Variants in AQP9 observed in about 807,000 individuals in gnomAD.
AQP9 encodes the protein aquaporin 9.
Under a neutral mutation model 23.8 loss-of-function variants are expected in AQP9, and 19 were observed. The observed-to-expected ratio is 0.80, with a 90% confidence interval of 0.56 to 1.17. AQP9 has a LOEUF of 1.17. Ranked by LOEUF, AQP9 falls within the 50% of genes most tolerant of loss-of-function variation. The pLI, the probability that AQP9 is intolerant of heterozygous loss-of-function variation, is 0.00. For synonymous variants in AQP9, 153 were observed against 131.5 expected, an observed-to-expected ratio of 1.16 and a Z score of -1.12; for missense variants, 413 against 362.0, an observed-to-expected ratio of 1.14 and a Z score of -1.14.
intron 1 of AQP9, among the ~76,000 whole-genome samples, chr15:58,163,149 TTAA>T (rs1305448288): frequency 6.6e-6 from 1 of 152,156 alleles, no homozygotes; most frequent in Non-Finnish European, 1.5e-5. Context: ...GAATAAAAGA[TTAA>T]TGAGGAACTT....
In AQP9 at chr15:58,173,053, A is replaced by G. The variant is rs202028546; in HGVS notation, c.239-15A>G. On this transcript the variant is annotated splice_polypyrimidine_tract_variant and intron_variant, in intron 2 of 5. Transcript: ENST00000219919. ...TCCTAACCTGCCCTCTCACTTCTCC[A>G]ATCTTCCCTTGCAGGTGGTCACATC... is the stretch of plus-strand genomic sequence containing the variant. 6.2e-7 allele frequency: 1 copy of G among 1,613,788 alleles called. No homozygotes were observed. Among genetic ancestry groups the G allele is most frequent in the African/African-American group, 1.3e-5 (1 of 75,010 alleles).
At chr15:58,173,034 C>A (rs746812717) in intron 2 of AQP9, 34 bp from the exon 3 acceptor site, 8 of 1,613,046 alleles carry the variant, frequency 5.0e-6, no homozygotes, top group Non-Finnish European at 6.8e-6. Context: ...TTCTTCCTAA[C>A]CTGCCCTCTC....
At chr15:58,169,306 T>C (rs1898572257) in intron 2 of AQP9, among the ~76,000 whole-genome samples, 1 of 152,090 alleles carries the variant, frequency 6.6e-6, no homozygotes, top group Admixed American at 6.5e-5. Context: ...GGCTGGAAAA[T>C]AGTAGCACTG....
At chr15:58,174,619 C>T (rs1898698114) in intron 3 of AQP9, among the ~76,000 whole-genome samples, 1 of 152,192 alleles carries the variant, frequency 6.6e-6, no homozygotes, top group Non-Finnish European at 1.5e-5. Flanking sequence ...CAGTTGACCT[C>T]GAAAACTCCA....
At chr15:58,143,945 T>A (rs60802802) in intron 1 of AQP9, among the ~76,000 whole-genome samples, 1 of 152,182 alleles carries the variant, frequency 6.6e-6, no homozygotes, top group East Asian at 1.9e-4. Flanking sequence ...AAAGTTGTAC[T>A]TCCAGTAGCG....
rs1221183582 is a variant in AQP9, at chr15:58,185,428, A to T, written c.*1293A>T. On this transcript the variant is annotated 3_prime_UTR_variant, in exon 6 of 6. Coordinates refer to ENST00000219919, the MANE Select transcript of AQP9 (RefSeq NM_020980.5). ...ACAAAGACCCTCATTGTCTGGGTCT[A>T]TTCCCACACTTACTGAGTACAGATG... The T allele has an allele frequency of 6.6e-6, 1 of 152,662 alleles. No individual in the cohort carries two copies. Among genetic ancestry groups the T allele is most frequent in the Non-Finnish European group, 1.5e-5 (1 of 68,034 alleles). The allele number at this position is 152,662 out of a possible 1,614,324, so 9.5% of individuals were successfully genotyped here.
intron 1 of AQP9, among the ~76,000 whole-genome samples, chr15:58,147,554 T>A (rs1335806469): frequency 1.3e-5 from 2 of 152,156 alleles, no homozygotes; most frequent in African/African-American, 2.4e-5. Context: ...CCCCTTGCCC[T>A]TTTCTCCATC....
At chr15:58,138,296 G>C (rs1897892171), upstream of AQP9, 1 of 289,002 alleles carries the variant, frequency 3.5e-6, no homozygotes. Context: ...TGATTAATCT[G>C]TCAGGCACAA....
At position 58,175,149 on chromosome 15, in the gene AQP9, C is replaced by T. The variant is rs191037543; in HGVS notation, c.495+113C>T. ...AAAGGAGAGATTATATTTCCAAAGG[C>T]AGAGGTTGCTGGGCATAACCCAAGC... is the stretch of plus-strand genomic sequence containing the variant. On this transcript the variant is annotated intron_variant, in intron 4 of 5. Coordinates refer to ENST00000219919, the MANE Select transcript of AQP9 (RefSeq NM_020980.5). 3.8e-6 allele frequency: 4 copies of T among 1,060,326 alleles called. No individual in the cohort carries two copies. In the African/African-American group the frequency reaches 4.7e-5, roughly 13 times the overall value. The allele number at this position is 1,060,326 out of a possible 1,614,324, so 65.7% of individuals were successfully genotyped here.
At chr15:58,175,596 G>C (rs115697416) in intron 4 of AQP9, among the ~76,000 whole-genome samples, 191 of 152,314 alleles carry the variant, frequency 1.3e-3, no homozygotes, top group African/African-American at 4.5e-3. Context: ...GCTTATGGCA[G>C]GACTAACATT....
chr15:58,183,013 C>T (rs1898927066), intron 5 of AQP9, among the ~76,000 whole-genome samples: 1 of 152,138 alleles, frequency 6.6e-6, no homozygotes, highest in Non-Finnish European at 1.5e-5. Context: ...CAAAAGGCCA[C>T]ATGGAACATA....
chr15:58,175,250 C>T (rs1196256114), intron 4 of AQP9, among the ~76,000 whole-genome samples: 1 of 152,236 alleles, frequency 6.6e-6, no homozygotes, highest in Non-Finnish European at 1.5e-5. Flanking sequence ...TTAATACGTA[C>T]ACTTGTTTAA....
At position 58,166,707 on chromosome 15, in the gene AQP9, T is replaced by A. The variant is rs1360755742; in HGVS notation, c.146T>A (p.Leu49His). The change falls in exon 2 of 6, where the codon CTC (leucine) becomes CAC (histidine). Residue 49 changes from leucine to histidine, a missense_variant. Transcript: ENST00000219919. ...LGCGCVAQAILSRGRFGGVIT... is the reference protein window; with the variant it reads ...LGCGCVAQAIHSRGRFGGVIT... Reference sequence around the variant, plus strand: ...TGTGGCTGTGTTGCCCAAGCTATTCTCAGTCGAGGACGTTTTGGAGGGGTC... The same window carrying A: ...TGTGGCTGTGTTGCCCAAGCTATTCACAGTCGAGGACGTTTTGGAGGGGTC... 6.2e-7 allele frequency: 1 copy of A among 1,612,838 alleles called. No individual in the cohort carries two copies. Among genetic ancestry groups the A allele is most frequent in the South Asian group, 1.1e-5 (1 of 90,838 alleles).
chr15:58,165,708 T>A (rs1280783926), intron 1 of AQP9, among the ~76,000 whole-genome samples: 1 of 152,228 alleles, frequency 6.6e-6, no homozygotes, highest in African/African-American at 2.4e-5. Context: ...GTCTACTGAC[T>A]GGATGTACCA....
At chr15:58,158,072 C>G (rs1188094904) in intron 1 of AQP9, among the ~76,000 whole-genome samples, 1 of 152,160 alleles carries the variant, frequency 6.6e-6, no homozygotes, top group Non-Finnish European at 1.5e-5. Context: ...ACTGACACAT[C>G]TGGTTTACAA....
chr15:58,182,540 T>G (rs1025506166), intron 5 of AQP9, among the ~76,000 whole-genome samples: 6 of 152,164 alleles, frequency 3.9e-5, no homozygotes, highest in Non-Finnish European at 7.4e-5. Flanking sequence ...AAGGAAATGA[T>G]GGACCCAACA....
intron 1 of AQP9, among the ~76,000 whole-genome samples, chr15:58,163,154 G>A (rs1898418099): frequency 6.6e-6 from 1 of 152,150 alleles, no homozygotes; most frequent in African/African-American, 2.4e-5. Context: ...AAAGATTAAT[G>A]AGGAACTTTG....
At chr15:58,146,198 A>C (rs1342779127) in intron 1 of AQP9, among the ~76,000 whole-genome samples, 1 of 151,942 alleles carries the variant, frequency 6.6e-6, no homozygotes, top group Non-Finnish European at 1.5e-5. Flanking sequence ...CCTTTCCCCC[A>C]GTCTGTTTTC....
intron 1 of AQP9, among the ~76,000 whole-genome samples, chr15:58,145,563 C>T (rs1467233270): frequency 6.6e-6 from 1 of 151,730 alleles, no homozygotes; most frequent in Non-Finnish European, 1.5e-5. Context: ...CTGAACAACA[C>T]AAAAACTTTA....
Sources: gnomAD v4.1 joint callset for allele counts (sites outside exome capture counted in the v4.1 genomes callset) on GRCh38, gnomAD v4.1.1 for gene constraint, MANE v1.5 for transcripts, NCBI Gene and HGNC (gene_info 2026-07-23, HGNC 2026-07-21) for gene names.